APLP1: variants seen among roughly 807,000 people sequenced by gnomAD.
APLP1 encodes amyloid beta precursor like protein 1.
In APLP1, 46 loss-of-function variants were observed where a neutral mutation model predicts 84.5. The observed-to-expected ratio is 0.54, with a 90% confidence interval of 0.43 to 0.70. The LOEUF (loss-of-function observed/expected upper bound fraction) is 0.70. Among genes scored for constraint, APLP1 ranks in the 30% least tolerant of loss-of-function variants. The pLI is 0.00. For missense variants in APLP1, 826 were observed against 900.2 expected (o/e 0.92, Z 1.05); for synonymous variants, 376 against 364.0 (o/e 1.03, Z -0.38).
In APLP1 at chr19:35,869,738, C is replaced by A. The variant is rs145927014; in HGVS notation, c.219C>A (p.Arg73=). The stretch of plus-strand genomic sequence containing the variant: ...TTCACCGGGACCTGCGCACCGGCCG[C>A]TGGGAACCAGACCCACAGCGCTCTC... The part of the protein sequence containing the change: ...LTLHRDLRTG[R]WEPDPQRSRR... The change falls in exon 2 of 17, where the codon CGC becomes CGA. Residue 73 remains arginine (R), a synonymous_variant. Transcript: ENST00000221891. 1 of 1,610,740 alleles carries A rather than the reference C, an allele frequency of 6.2e-7. No individual in the cohort carries two copies. Among genetic ancestry groups the A allele is most frequent in the Non-Finnish European group, 8.5e-7 (1 of 1,179,274 alleles).
At chr19:35,872,380 T>C in intron 6 of APLP1, 103 bp from the exon 7 acceptor site, 1 of 1,478,594 alleles carries the variant, frequency 6.8e-7, no homozygotes, top group Non-Finnish European at 9.1e-7. Context: ...CTAAACTGGG[T>C]GCATGATGGT....
chr19:35,877,651 T>A, intron 11 of APLP1, 67 bp from the exon 12 acceptor site: 1 of 1,065,058 alleles, frequency 9.4e-7, no homozygotes, highest in Non-Finnish European at 1.4e-6. Flanking sequence ...CTTGCTCTAC[T>A]GGTAGGGTGC....
intron 10 of APLP1, among the ~76,000 whole-genome samples, chr19:35,875,435 C>T (rs1213508234): frequency 6.6e-6 from 1 of 151,794 alleles, no homozygotes; most frequent in African/African-American, 2.4e-5. Context: ...AAGCTATTCT[C>T]CTGCCTCAGC....
intron 12 of APLP1, 126 bp from the exon 13 acceptor site, chr19:35,877,956 G>T: frequency 7.6e-7 from 1 of 1,317,160 alleles, no homozygotes; most frequent in East Asian, 2.3e-5. Flanking sequence ...AACGTCTAAG[G>T]TTGCAGGGGC....
chr19:35,873,549 G>A, intron 7 of APLP1, 90 bp from the exon 8 acceptor site: 2 of 1,334,996 alleles, frequency 1.5e-6, no homozygotes, highest in South Asian at 1.2e-5. Flanking sequence ...GCCCAGCCAT[G>A]GGGCTTCTAA....
At position 35,869,495 on chromosome 19, in the gene APLP1, G is replaced by C. The variant is rs1568472926; in HGVS notation, c.148-172G>C. ...GCCATAGCAACGGGAGCGCTGGGGCGCCCCCGCCCTACGGGAGCTGTTTCC... is the reference window on the plus strand; with the variant it reads ...GCCATAGCAACGGGAGCGCTGGGGCCCCCCCGCCCTACGGGAGCTGTTTCC... On this transcript the variant is annotated intron_variant, in intron 1 of 16. Transcript: ENST00000221891. 3.3e-6 allele frequency: 3 copies of C among 911,368 alleles called. No homozygotes were observed. The East Asian group carries it at 8.2e-5, about 25-fold the overall frequency. The allele number at this position is 911,368 out of a possible 1,614,324, so 56.5% of individuals were successfully genotyped here.
At chr19:35,877,502 C>A (rs78359616) in intron 11 of APLP1, among the ~76,000 whole-genome samples, 173 of 117,304 alleles carry the variant, frequency 1.5e-3, no homozygotes, top group Middle Eastern at 7.8e-3. Context: ...AAAAAAAAAA[C>A]AAAAAAAAAA....
Position 35,868,977 on chromosome 19 carries a change from C to A in APLP1, c.147+194C>A. The A allele has an allele frequency of 2.5e-6, 1 of 399,448 alleles. No individual in the cohort carries two copies. 24.7% of individuals were successfully genotyped at this position (399,448 alleles called of 1,614,324 possible). Reference sequence around the variant, plus strand: ...CATCATGCGACGTCCCAGCCCCCTCCCATCTCGAGCATAGGAACTGGTCTA... The same window carrying A: ...CATCATGCGACGTCCCAGCCCCCTCACATCTCGAGCATAGGAACTGGTCTA... On this transcript the variant is annotated intron_variant, in intron 1 of 16. Transcript: ENST00000221891. The surrounding 1 kb of genome is among the most constrained non-coding windows in gnomAD (Gnocchi z 5.2).
Position 35,868,717 on chromosome 19 carries a change from G to T in APLP1, c.81G>T (p.Leu27Phe). Reference sequence around the variant, plus strand: ...CGCTGCCGCTGCTGCTGCCACTATTGCTGCTGCTTCTGCGCGCGCAGCCCG... The same window carrying T: ...CGCTGCCGCTGCTGCTGCCACTATTTCTGCTGCTTCTGCGCGCGCAGCCCG... ...QPPLPLLLPL[L>F]LLLLRAQPAI... Residue 27 changes from leucine (L) to phenylalanine (F), a missense_variant, in exon 1 of 17, where the codon TTG becomes TTT. Leu to Phe is a conservative substitution (Grantham distance 22). Transcript: ENST00000221891. This position sits in a 1 kb window ranked among gnomAD's most constrained non-coding sequence, Gnocchi z 5.2. The T allele has an allele frequency of 7.1e-7, 1 of 1,411,320 alleles. No homozygotes were observed. The highest frequency in any genetic ancestry group is 9.2e-7 in the Non-Finnish European group (1 of 1,087,240). 87.4% of individuals were successfully genotyped at this position (1,411,320 alleles called of 1,614,324 possible). A position where few individuals can be genotyped will look rare whatever the true frequency, so the allele number is the denominator to read the frequency against.
At position 35,879,380 on chromosome 19, in the gene APLP1, G is replaced by A; in HGVS notation, c.1895G>A (p.Arg632His). The A allele has an allele frequency of 2.5e-6, 4 of 1,613,914 alleles. No homozygotes were observed. The highest frequency in any genetic ancestry group is 2.5e-6 in the Non-Finnish European group (3 of 1,179,994). Residue 632 changes from arginine (R) to histidine (H), a missense_variant, in exon 17 of 17, where the codon CGC becomes CAC. Physicochemically the swap from Arg to His is conservative, Grantham distance 29 (BLOSUM62 0). This residue lies in a region of APLP1 where 433 missense variants were observed against 496.5 expected (regional missense o/e 0.87). Coordinates refer to ENST00000221891, the MANE Select transcript of APLP1 (RefSeq NM_001024807.3). ...PMLTLEEQQLRELQRHGYENP... is the reference protein window; with the variant it reads ...PMLTLEEQQLHELQRHGYENP... ...CTGACCCTGGAGGAGCAGCAGCTCC[G>A]CGAACTGCAGCGGCACGGCTATGAG...
intron 2 of APLP1, 41 bp from the exon 3 acceptor site, chr19:35,870,855 G>A (rs1279953629): frequency 1.3e-6 from 2 of 1,582,884 alleles, no homozygotes; most frequent in Non-Finnish European, 1.7e-6. Context: ...GGCTGGCAGG[G>A]GCGGGGCAGT....
intron 13 of APLP1, 142 bp from the exon 14 acceptor site, chr19:35,878,442 A>G: frequency 1.2e-6 from 1 of 804,466 alleles, no homozygotes; most frequent in Admixed American, 2.3e-5. Flanking sequence ...GCTGCTCAGG[A>G]GGCTGACGTA....
At position 35,870,949 on chromosome 19, in the gene APLP1, C is replaced by T. The variant is rs779632563; in HGVS notation, c.345C>T (p.Pro115=). 8 of 1,595,886 alleles carry T rather than the reference C, an allele frequency of 5.0e-6. No homozygotes were observed. Among genetic ancestry groups the T allele is most frequent in the Middle Eastern group, 3.7e-4 (2 of 5,444 alleles). Residue 115 remains proline, a synonymous_variant, in exon 3 of 17, where the codon CCC becomes CCT. Coordinates refer to ENST00000221891, the MANE Select transcript of APLP1 (RefSeq NM_001024807.3). ...ARVEQATQAI[P]MERWCGGSRS... is the part of the protein sequence containing the mutation. ...TGGAGCAGGCTACGCAGGCCATCCC[C>T]ATGGAGCGCTGGTGCGGGGGTTCCC...
chr19:35,878,110 T>G lies in APLP1; in HGVS notation c.1579+2T>G. The G allele has an allele frequency of 6.2e-7, 1 of 1,612,302 alleles. No homozygotes were observed. Among genetic ancestry groups the G allele is most frequent in the Non-Finnish European group, 8.5e-7 (1 of 1,179,282 alleles). On this transcript the variant is annotated splice_donor_variant, in intron 13 of 16. Transcript: ENST00000221891. LOFTEE classifies it high-confidence loss of function. ...ACACCCCCATGACCCTTCCAAAAGG[T>G]GAGTGTCTCACAGTTAACCCCAGCC...
chr19:35,873,734 C>G, intron 8 of APLP1, 21 bp downstream of exon 8: 1 of 1,608,112 alleles, frequency 6.2e-7, no homozygotes, highest in South Asian at 1.1e-5. Context: ...CCCAGTGGGT[C>G]CTACTCATGC....
chr19:35,879,256 C>G, intron 16 of APLP1, 39 bp downstream of exon 16: 1 of 1,609,264 alleles, frequency 6.2e-7, no homozygotes, highest in South Asian at 1.1e-5. Flanking sequence ...GGAAGAGTTC[C>G]TGAGCCCGGG....
chr19:35,868,769 C>A lies in APLP1; in HGVS notation c.133C>A (p.Pro45Thr). Residue 45 changes from proline (P) to threonine (T), a missense_variant, in exon 1 of 17, where the codon CCC (proline) becomes ACC (threonine). Physicochemically the swap from Pro to Thr is conservative, Grantham distance 38 (BLOSUM62 -1). This residue lies in a region of APLP1 where 383 missense variants were observed against 378.3 expected (regional missense o/e 1.01). Coordinates refer to ENST00000221891, the MANE Select transcript of APLP1 (RefSeq NM_001024807.3). This position sits in a 1 kb window ranked among gnomAD's most constrained non-coding sequence, Gnocchi z 5.2. ...CATCGGGAGCCTGGCCGGTGGGAGCCCCGGCGCGGCCGAGGTGAGGCCGGG... is the reference window on the plus strand; with the variant it reads ...CATCGGGAGCCTGGCCGGTGGGAGCACCGGCGCGGCCGAGGTGAGGCCGGG... The part of the protein sequence containing the change: ...PAIGSLAGGS[P>T]GAAEAPGSAQ... 1 of 1,322,572 alleles carries A rather than the reference C, an allele frequency of 7.6e-7. No individual in the cohort carries two copies. The allele number at this position is 1,322,572 out of a possible 1,614,324, so 81.9% of individuals were successfully genotyped here.
At chr19:35,869,181 A>ACCCAGGACTGAAG (rs1485210971) in intron 1 of APLP1, 1 of 349,604 alleles carries the variant, frequency 2.9e-6, no homozygotes, top group Non-Finnish European at 5.1e-6. Flanking sequence ...AGGACCCAGG[A>ACCCAGGACTGAAG]GTCCAGTCCT....
At position 35,868,641 on chromosome 19, in the gene APLP1, G is replaced by C; in HGVS notation, c.5G>C (p.Gly2Ala). The change falls in exon 1 of 17, where the codon GGG (glycine) becomes GCG (alanine). Residue 2 changes from glycine (G) to alanine (A), a missense_variant. By Grantham distance (60) the Gly-to-Ala change is moderately conservative. This residue lies in a region of APLP1 where 10 missense variants were observed against 25.4 expected (regional missense o/e 0.39). Coordinates refer to ENST00000221891, the MANE Select transcript of APLP1 (RefSeq NM_001024807.3). The surrounding 1 kb of genome is among the most constrained non-coding windows in gnomAD (Gnocchi z 5.2). M[G>A]PASPAARGLS... ...TGAGGGCGCAAGGGCCGGGACATGG[G>C]GCCCGCCAGCCCCGCTGCTCGCGGT... The C allele has an allele frequency of 7.4e-7, 1 of 1,358,806 alleles. No individual in the cohort carries two copies. The highest frequency in any genetic ancestry group is 1.7e-5 in the South Asian group (1 of 57,372). The allele number at this position is 1,358,806 out of a possible 1,614,324, so 84.2% of individuals were successfully genotyped here. A position where few individuals can be genotyped will look rare whatever the true frequency, so the allele number is the denominator to read the frequency against.
Sources: gnomAD v4.1 joint callset for allele counts (sites outside exome capture counted in the v4.1 genomes callset) on GRCh38, gnomAD v4.1.1 for gene constraint, gnomAD v4.1.1 regional missense constraint, Gnocchi (gnomAD v3.1) non-coding constraint, MANE v1.5 for transcripts, NCBI Gene and HGNC (gene_info 2026-07-23, HGNC 2026-07-21) for gene names.